Variants in FMN2 observed in about 807,000 individuals in gnomAD.
The protein encoded by FMN2 is formin-2.
Under a neutral mutation model 142.3 loss-of-function variants are expected in FMN2, and 51 were observed. The ratio of observed to expected loss-of-function variants is 0.36; its 90% CI spans 0.29 to 0.45. The LOEUF (loss-of-function observed/expected upper bound fraction) is 0.45. Among genes scored for constraint, FMN2 ranks in the 20% least tolerant of loss-of-function variants. The pLI, the probability that FMN2 is intolerant of heterozygous loss-of-function variation, is 1.00. For synonymous variants in FMN2, 882 were observed against 869.8 expected (o/e 1.01, Z -0.25); for missense variants, 1,936 against 2,122.8 (o/e 0.91, Z 1.73).
chr1:240,093,685 G>T lies in FMN2; in HGVS notation c.1576G>T (p.Ala526Ser). 1 of 1,367,398 alleles carries T rather than the reference G, an allele frequency of 7.3e-7. No homozygotes were observed. The highest frequency in any genetic ancestry group is 9.4e-7 in the Non-Finnish European group (1 of 1,066,966). 84.7% of individuals were successfully genotyped at this position (1,367,398 alleles called of 1,614,324 possible). ...SPALAAKASG[A>S]PAAADGFQNV... is the part of the protein sequence containing the mutation. Reference sequence around the variant, plus strand: ...AGCACTGGCCGCCAAGGCGTCTGGGGCCCCCGCGGCTGCGGATGGCTTCCA... The same window carrying T: ...AGCACTGGCCGCCAAGGCGTCTGGGTCCCCCGCGGCTGCGGATGGCTTCCA... The change falls in exon 1 of 18, where the codon GCC becomes TCC. Residue 526 changes from alanine (A) to serine (S), a missense_variant. Physicochemically the swap from Ala to Ser is moderately conservative, Grantham distance 99. Around this residue, in one of 8 missense-constraint regions of FMN2, gnomAD observed 751 missense variants for 791.8 expected, o/e 0.95. Transcript: ENST00000319653.
chr1:240,143,249 A>T, intron 2 of FMN2: 1 of 1,585,328 alleles, frequency 6.3e-7, no homozygotes, highest in Non-Finnish European at 8.7e-7. Context: ...GATCAGCATC[A>T]TGAGATAATT....
At chr1:240,470,673 A>G (rs1346116074) in intron 16 of FMN2, among the ~76,000 whole-genome samples, 1 of 152,184 alleles carries the variant, frequency 6.6e-6, no homozygotes, top group East Asian at 1.9e-4. Flanking sequence ...CTTTCAGGAA[A>G]TTAGGCTATA....
In FMN2 at chr1:240,092,674, G is replaced by A; in HGVS notation, c.565G>A (p.Ala189Thr). ...SDTDIYSFHSATEQEDLLSDI... is the reference protein window; with the variant it reads ...SDTDIYSFHSTTEQEDLLSDI... The stretch of plus-strand genomic sequence containing the variant: ...CACGGACATCTATAGCTTCCATTCG[G>A]CTACGGAGCAAGAGGATTTGCTTTC... Residue 189 changes from alanine to threonine, a missense_variant, in exon 1 of 18, where the codon GCT (alanine) becomes ACT (threonine). Coordinates refer to ENST00000319653, the MANE Select transcript of FMN2 (RefSeq NM_020066.5). 1 of 1,614,098 alleles carries A rather than the reference G, an allele frequency of 6.2e-7. No homozygotes were observed. Among genetic ancestry groups the A allele is most frequent in the Non-Finnish European group, 8.5e-7 (1 of 1,180,006 alleles).
chr1:240,290,624 A>G lies in FMN2; in HGVS notation c.4154-4198A>G, dbSNP rs187824219. 2.2e-4 allele frequency among the ~76,000 whole-genome samples: 34 copies of G among 152,264 alleles called. No individual in the cohort carries two copies. The East Asian group carries it at 6.4e-3, about 29-fold the overall frequency. On this transcript the variant is annotated intron_variant, in intron 7 of 17. Coordinates refer to ENST00000319653, the MANE Select transcript of FMN2 (RefSeq NM_020066.5). ...AAGTTATCCCACTTGATAAAGTCTC[A>G]GAGAAGTTTAGTGTCTTGATCAAAG...
At chr1:240,396,373 G>T (rs368700182) in intron 15 of FMN2, among the ~76,000 whole-genome samples, 7 of 151,198 alleles carry the variant, frequency 4.6e-5, no homozygotes, top group African/African-American at 1.7e-4. Flanking sequence ...TGACTCATGC[G>T]ATTGTAAAAT....
At chr1:240,188,943 A>G (rs2103349583) in intron 4 of FMN2, among the ~76,000 whole-genome samples, 1 of 152,204 alleles carries the variant, frequency 6.6e-6, no homozygotes, top group South Asian at 2.1e-4. Flanking sequence ...AAACCATTAG[A>G]TCTCGTGAGA....
At chr1:240,144,258 A>G (rs1419542854) in intron 2 of FMN2, 5 of 1,597,658 alleles carry the variant, frequency 3.1e-6, no homozygotes, top group African/African-American at 1.3e-5. Context: ...ACAAAAGAGG[A>G]GGCCAGGTTC....
intron 15 of FMN2, among the ~76,000 whole-genome samples, chr1:240,420,526 C>T (rs1674726865): frequency 6.6e-6 from 1 of 152,194 alleles, no homozygotes; most frequent in African/African-American, 2.4e-5. Context: ...GTCCTATTGT[C>T]CTGCAGCCAA....
chr1:240,333,424 C>T (rs1671445849), intron 11 of FMN2, among the ~76,000 whole-genome samples: 1 of 152,200 alleles, frequency 6.6e-6, no homozygotes, highest in African/African-American at 2.4e-5. Flanking sequence ...TGATACTTAG[C>T]TTTTTTATTT....
intron 6 of FMN2, among the ~76,000 whole-genome samples, chr1:240,244,990 G>C (rs761561388): frequency 2.6e-5 from 4 of 152,174 alleles, no homozygotes; most frequent in Admixed American, 6.5e-5. Flanking sequence ...CACAGAGTTT[G>C]TCTAGAGGTA....
intron 4 of FMN2, 57 bp from the exon 5 acceptor site, chr1:240,206,742 C>A: frequency 6.5e-7 from 1 of 1,540,100 alleles, no homozygotes. Flanking sequence ...TAATTTTTTG[C>A]TATTTGCATT....
chr1:240,361,315 A>C (rs1369947255), intron 14 of FMN2, among the ~76,000 whole-genome samples: 1 of 151,848 alleles, frequency 6.6e-6, no homozygotes, highest in Non-Finnish European at 1.5e-5. Context: ...CTTAGGCTTC[A>C]TCCAGAAGTC....
At chr1:240,366,752 CGTTG>C (rs1296980366) in intron 14 of FMN2, among the ~76,000 whole-genome samples, 1 of 152,022 alleles carries the variant, frequency 6.6e-6, no homozygotes, top group Non-Finnish European at 1.5e-5. Context: ...GGTTTCTCCA[CGTTG>C]GTCAGGCTGG....
intron 6 of FMN2, among the ~76,000 whole-genome samples, chr1:240,226,171 A>G (rs1667290564): frequency 6.6e-6 from 1 of 152,222 alleles, no homozygotes; most frequent in South Asian, 2.1e-4. Flanking sequence ...TATGAAAAAC[A>G]TTAATACACA....
chr1:240,230,941 C>T lies in FMN2; in HGVS notation c.4065+19706C>T, dbSNP rs1462438785. On this transcript the variant is annotated intron_variant, in intron 6 of 17. Transcript: ENST00000319653. Reference sequence around the variant, plus strand: ...TCAGCTTTTCTTCAATGGCCTAGATCGGCACAAGGCTCCATAGAAATTGGC... The same window carrying T: ...TCAGCTTTTCTTCAATGGCCTAGATTGGCACAAGGCTCCATAGAAATTGGC... Among the ~76,000 whole-genome samples, 5 of 131,716 alleles carry T rather than the reference C, an allele frequency of 3.8e-5. 1 individual carries two copies. The highest frequency in any genetic ancestry group is 7.3e-5 in the Admixed American group (1 of 13,788). The allele number at this position is 131,716 out of a possible 152,430, so 86.4% of individuals were successfully genotyped here.
Position 240,235,416 on chromosome 1 carries a change from G to GTT in FMN2, c.4066-22520_4066-22519dup, listed in dbSNP as rs5782128. Among the ~76,000 whole-genome samples the GTT allele has an allele frequency of 6.1e-4, 90 of 147,274 alleles. No homozygotes were observed. The South Asian group carries it at 8.6e-3, about 14-fold the overall frequency. On this transcript the variant is annotated intron_variant, in intron 6 of 17. Coordinates refer to ENST00000319653, the MANE Select transcript of FMN2 (RefSeq NM_020066.5). Reference sequence around the variant, plus strand: ...TTTTAAATAATTTAATTAATTTTTTGTTTTTTTTTTCAGAGATGAGGGTCT... The same window carrying GTT: ...TTTTAAATAATTTAATTAATTTTTTGTTTTTTTTTTTTCAGAGATGAGGGTCT...
intron 15 of FMN2, among the ~76,000 whole-genome samples, chr1:240,421,249 G>C (rs1674751827): frequency 6.6e-6 from 1 of 152,114 alleles, no homozygotes; most frequent in South Asian, 2.1e-4. Context: ...TGGAAGATCT[G>C]AAAGGTGTGT....
At chr1:240,287,547 C>T (rs950426889) in intron 7 of FMN2, among the ~76,000 whole-genome samples, 1 of 152,166 alleles carries the variant, frequency 6.6e-6, no homozygotes, top group African/African-American at 2.4e-5. Flanking sequence ...TGGCTTCCCT[C>T]TGGTTACTTG....
chr1:240,367,907 A>G (rs1195584216), intron 14 of FMN2, among the ~76,000 whole-genome samples: 5 of 151,472 alleles, frequency 3.3e-5, no homozygotes, highest in Admixed American at 2.6e-4. Flanking sequence ...ATTTTTATCT[A>G]TGATCTGCAA....
Sources: gnomAD v4.1 joint callset for allele counts (sites outside exome capture counted in the v4.1 genomes callset) on GRCh38, gnomAD v4.1.1 for gene constraint, gnomAD v4.1.1 regional missense constraint, MANE v1.5 for transcripts, NCBI Gene and HGNC (gene_info 2026-07-23, HGNC 2026-07-21) for gene names.